Variants in CDK14 observed in about 807,000 individuals in gnomAD.
CDK14 encodes cyclin dependent kinase 14.
In CDK14, 34 loss-of-function variants were observed where a neutral mutation model predicts 60.7. The ratio of observed to expected loss-of-function variants is 0.56; its 90% CI spans 0.43 to 0.75. CDK14 has a LOEUF of 0.75. CDK14 is among the 30% of genes least tolerant of loss of function. The pLI, the probability that CDK14 is intolerant of heterozygous loss-of-function variation, is 0.00. For synonymous variants in CDK14, 197 were observed against 203.7 expected (o/e 0.97, Z 0.28); for missense variants, 482 against 564.1 (o/e 0.85, Z 1.47).
intron 8 of CDK14, 142 bp downstream of exon 8, chr7:90,917,866 C>CT (rs933943168): frequency 7.8e-4 from 578 of 737,892 alleles, no homozygotes; most frequent in South Asian, 9.0e-4. Context: ...AGGATTTTTT[C>CT]TTTTTTTTAA....
intron 2 of CDK14, among the ~76,000 whole-genome samples, chr7:90,700,520 G>T (rs939827703): frequency 2.0e-5 from 3 of 152,106 alleles, no homozygotes; most frequent in Non-Finnish European, 4.4e-5. Flanking sequence ...ATTCATAAAG[G>T]TTCAAATTAC....
chr7:91,002,314 C>T (rs374239217), intron 10 of CDK14, among the ~76,000 whole-genome samples: 46 of 152,198 alleles, frequency 3.0e-4, no homozygotes, highest in African/African-American at 1.1e-3. Context: ...ATTTTCTCCA[C>T]ACTAGTTATA....
chr7:91,200,568 C>CA (rs1802682027), intron 14 of CDK14, among the ~76,000 whole-genome samples: 2 of 152,124 alleles, frequency 1.3e-5, no homozygotes, highest in African/African-American at 2.4e-5. Flanking sequence ...TTGTTCTCGA[C>CA]AAAATCAGAA....
chr7:91,142,052 C>T (rs912010874), intron 14 of CDK14, among the ~76,000 whole-genome samples: 2 of 152,124 alleles, frequency 1.3e-5, no homozygotes, highest in Admixed American at 1.3e-4. Context: ...TCTCAATCTC[C>T]TGACCTCGTG....
chr7:91,060,687 G>T (rs1265327517), intron 11 of CDK14, among the ~76,000 whole-genome samples: 1 of 152,092 alleles, frequency 6.6e-6, no homozygotes, highest in Non-Finnish European at 1.5e-5. Flanking sequence ...ATGAAATTCT[G>T]GTTTGAAAAT....
intron 11 of CDK14, among the ~76,000 whole-genome samples, chr7:91,062,477 GTCT>G (rs1253616969): frequency 2.6e-5 from 4 of 151,886 alleles, no homozygotes; most frequent in Admixed American, 1.3e-4. Flanking sequence ...GAAATCATTT[GTCT>G]TCTTCGTCGC....
Position 90,625,539 on chromosome 7 carries a change from T to C in CDK14, c.123+21290T>C, listed in dbSNP as rs115954982. On this transcript the variant is annotated intron_variant, in intron 2 of 14. Coordinates refer to ENST00000380050, the MANE Select transcript of CDK14 (RefSeq NM_001287135.2). ...TGTGTAATTATTGATCTCTTATACC[T>C]TGGACATTCATTTTTTAAATGTAGT... Among the ~76,000 whole-genome samples, 1,034 of 152,376 alleles carry C rather than the reference T, an allele frequency of 6.8e-3. 16 individuals are homozygous for C. Among genetic ancestry groups the C allele is most frequent in the African/African-American group, 0.024 (993 of 41,582 alleles).
intron 4 of CDK14, among the ~76,000 whole-genome samples, chr7:90,772,581 C>T (rs934045622): frequency 2.0e-5 from 3 of 152,064 alleles, no homozygotes; most frequent in South Asian, 2.1e-4. Context: ...AGCACTTCCC[C>T]CTTTGCTCTC....
chr7:90,597,000 G>T (rs536970330), intron 1 of CDK14, among the ~76,000 whole-genome samples: 11 of 152,272 alleles, frequency 7.2e-5, no homozygotes, highest in African/African-American at 1.7e-4. Context: ...TCGCGCGCGT[G>T]GGGGACGGGC....
At chr7:90,815,493 G>A (rs1789310481) in intron 5 of CDK14, among the ~76,000 whole-genome samples, 1 of 152,168 alleles carries the variant, frequency 6.6e-6, no homozygotes, top group South Asian at 2.1e-4. Flanking sequence ...TTCAACCATT[G>A]TGGAATGCAG....
intron 10 of CDK14, among the ~76,000 whole-genome samples, chr7:91,040,731 C>T (rs918741200): frequency 2.6e-5 from 4 of 152,174 alleles, no homozygotes; most frequent in Non-Finnish European, 4.4e-5. Flanking sequence ...AGAGACCTCT[C>T]GGTCCCCTTG....
chr7:90,883,175 A>C lies in CDK14; in HGVS notation c.640-16116A>C, dbSNP rs540487165. 1.4e-4 allele frequency among the ~76,000 whole-genome samples: 21 copies of C among 152,292 alleles called. No homozygotes were observed. The South Asian group carries it at 4.3e-3, about 32-fold the overall frequency. ...ATCCAGGAACTGGTGTTTTGAAAAAATTAACAAAATACACAGCCTCCTAGC... is the reference window on the plus strand; with the variant it reads ...ATCCAGGAACTGGTGTTTTGAAAAACTTAACAAAATACACAGCCTCCTAGC... On this transcript the variant is annotated intron_variant, in intron 6 of 14. Coordinates refer to ENST00000380050, the MANE Select transcript of CDK14 (RefSeq NM_001287135.2).
intron 6 of CDK14, among the ~76,000 whole-genome samples, chr7:90,885,132 C>A (rs752601337): frequency 1.3e-5 from 2 of 152,126 alleles, no homozygotes; most frequent in Non-Finnish European, 2.9e-5. Context: ...AAGAAAGTAT[C>A]ATCAGAGTCA....
intron 4 of CDK14, among the ~76,000 whole-genome samples, chr7:90,765,054 G>A (rs34685930): frequency 0.19 from 29,087 of 152,122 alleles, 2,907 homozygotes; most frequent in South Asian, 0.24. Flanking sequence ...CAAGCCCCTG[G>A]GGAAGCAAGA....
intron 8 of CDK14, among the ~76,000 whole-genome samples, chr7:90,926,183 A>G (rs1322521412): frequency 6.6e-6 from 1 of 152,156 alleles, no homozygotes; most frequent in Non-Finnish European, 1.5e-5. Context: ...AGAAGGTAGG[A>G]GTGCTAACTG....
chr7:90,874,502 C>CTTT, intron 6 of CDK14, among the ~76,000 whole-genome samples: 1 of 81,576 alleles, frequency 1.2e-5, no homozygotes, highest in Admixed American at 1.5e-4. Context: ...GTCCTTTCAT[C>CTTT]CTTTTTTTTT....
At chr7:90,733,211 T>C (rs928013724) in intron 3 of CDK14, among the ~76,000 whole-genome samples, 22 of 151,862 alleles carry the variant, frequency 1.4e-4, no homozygotes, top group African/African-American at 4.8e-4. Context: ...GAGACTATTA[T>C]GATTTCCATT....
intron 2 of CDK14, among the ~76,000 whole-genome samples, chr7:90,617,983 C>T (rs1386056111): frequency 6.6e-6 from 1 of 152,178 alleles, no homozygotes; most frequent in Non-Finnish European, 1.5e-5. Flanking sequence ...GTCAGAACAT[C>T]TTTCAATGGG....
chr7:90,824,239 C>T (rs1447314993), intron 5 of CDK14, among the ~76,000 whole-genome samples: 1 of 104,098 alleles, frequency 9.6e-6, no homozygotes, highest in Non-Finnish European at 2.0e-5. Context: ...CTCTAATCCA[C>T]ACAACTACTC....
Sources: gnomAD v4.1 joint callset for allele counts (sites outside exome capture counted in the v4.1 genomes callset) on GRCh38, gnomAD v4.1.1 for gene constraint, MANE v1.5 for transcripts, NCBI Gene and HGNC (gene_info 2026-07-23, HGNC 2026-07-21) for gene names.